The following TMTC2 variants were observed in gnomAD, a reference collection of about 807,000 sequenced individuals.
TMTC2 encodes transmembrane O-mannosyltransferase targeting cadherins 2.
TMTC2 carries 43 observed loss-of-function variants against 82.4 expected under a neutral mutation model. That is an observed-to-expected ratio of 0.52 (90% CI 0.41 to 0.67). The LOEUF (loss-of-function observed/expected upper bound fraction) is 0.67, where lower values mean the gene tolerates loss of function less well. Among genes scored for constraint, TMTC2 ranks in the 30% least tolerant of loss-of-function variants. The probability of loss-of-function intolerance (pLI) is 0.00; values close to 1 mark genes in which losing one functional copy is unlikely to be tolerated. For missense variants in TMTC2, 919 were observed against 1,012.4 expected (o/e 0.91, Z 1.25); for synonymous variants, 408 against 381.9 (o/e 1.07, Z -0.80).
chr12:82,938,730 A>G (rs545940144), intron 4 of TMTC2, among the ~76,000 whole-genome samples: 160 of 152,286 alleles, frequency 1.1e-3, no homozygotes, highest in Middle Eastern at 3.4e-3. Context: ...AATGCCTAGT[A>G]TATAACGTTC....
At chr12:82,916,990 G>A (rs902652630) in intron 3 of TMTC2, among the ~76,000 whole-genome samples, 2 of 151,936 alleles carry the variant, frequency 1.3e-5, no homozygotes, top group African/African-American at 4.8e-5. Flanking sequence ...TTACTATTAT[G>A]TTCTTTTCTG....
chr12:82,963,849 A>ATATATATATG (rs1565830379), intron 4 of TMTC2, among the ~76,000 whole-genome samples: 1 of 105,172 alleles, frequency 9.5e-6, no homozygotes, highest in Non-Finnish European at 2.0e-5. Flanking sequence ...ATATATATAT[A>ATATATATATG]TGTGAAAGTG....
intron 1 of TMTC2, among the ~76,000 whole-genome samples, chr12:82,774,306 G>T (rs1303190449): frequency 6.6e-6 from 1 of 152,062 alleles, no homozygotes; most frequent in African/African-American, 2.4e-5. Context: ...TGTGATAGAA[G>T]TTTATTTCTT....
intron 3 of TMTC2, among the ~76,000 whole-genome samples, chr12:82,923,745 A>G (rs1299203783): frequency 6.6e-6 from 1 of 152,210 alleles, no homozygotes; most frequent in Non-Finnish European, 1.5e-5. Flanking sequence ...ATGCTAAAAT[A>G]TTGATTGTAT....
At chr12:82,804,995 G>T (rs898247041) in intron 1 of TMTC2, among the ~76,000 whole-genome samples, 1 of 152,106 alleles carries the variant, frequency 6.6e-6, no homozygotes, top group Admixed American at 6.5e-5. Context: ...TAGCAGTTTT[G>T]CCATGAGAGT....
At chr12:83,096,839 A>G (rs1275300578) in intron 11 of TMTC2, among the ~76,000 whole-genome samples, 1 of 152,120 alleles carries the variant, frequency 6.6e-6, no homozygotes, top group Admixed American at 6.5e-5. Flanking sequence ...CTCACCTATT[A>G]GTTTCTACTC....
At chr12:83,110,774 G>T (rs1327011088) in intron 11 of TMTC2, among the ~76,000 whole-genome samples, 1 of 152,104 alleles carries the variant, frequency 6.6e-6, no homozygotes, top group Non-Finnish European at 1.5e-5. Flanking sequence ...TTTAACCTGG[G>T]AATCCTCTTT....
chr12:82,988,407 T>C (rs1879259143), intron 8 of TMTC2, among the ~76,000 whole-genome samples: 1 of 151,884 alleles, frequency 6.6e-6, no homozygotes, highest in South Asian at 2.1e-4. Flanking sequence ...TAAAATGGGG[T>C]AGTAAATTGC....
At chr12:83,109,738 C>A (rs570374945) in intron 11 of TMTC2, among the ~76,000 whole-genome samples, 20 of 152,304 alleles carry the variant, frequency 1.3e-4, no homozygotes, top group African/African-American at 4.8e-4. Flanking sequence ...ACCTATATAA[C>A]CTCTACTCCT....
chr12:83,040,122 C>T (rs770982486), intron 9 of TMTC2, among the ~76,000 whole-genome samples: 11 of 152,212 alleles, frequency 7.2e-5, no homozygotes, highest in Non-Finnish European at 1.3e-4. Flanking sequence ...AACATTACCC[C>T]TATTTTACGG....
At chr12:83,095,262 A>T (rs1883987235) in intron 11 of TMTC2, among the ~76,000 whole-genome samples, 1 of 144,038 alleles carries the variant, frequency 6.9e-6, no homozygotes. Flanking sequence ...TTTTTTTGAG[A>T]TGGAGTCTCG....
chr12:82,978,880 A>G lies in TMTC2; in HGVS notation c.1949-7045A>G, dbSNP rs535990416. ...GGGTTCTCCAGAGTTGGGTGCGTAT[A>G]TATTTACAATTGTTATATCCTCTTG... On this transcript the variant is annotated intron_variant, in intron 7 of 11. Coordinates refer to ENST00000321196, the MANE Select transcript of TMTC2 (RefSeq NM_152588.3). Among the ~76,000 whole-genome samples, 29 of 151,884 alleles carry G rather than the reference A, an allele frequency of 1.9e-4. No individual in the cohort carries two copies. The East Asian group carries it at 5.4e-3, about 28-fold the overall frequency.
chr12:82,731,064 C>G (rs1227512542), intron 1 of TMTC2, among the ~76,000 whole-genome samples: 3 of 152,116 alleles, frequency 2.0e-5, no homozygotes, highest in Admixed American at 2.0e-4. Flanking sequence ...TTTGTAATTA[C>G]AGTTGGAGAA....
In TMTC2 at chr12:83,103,619, C is replaced by A. The variant is rs75942381; in HGVS notation, c.2332-28591C>A. On this transcript the variant is annotated intron_variant, in intron 11 of 11. Transcript: ENST00000321196. ...CCCAAACACCTCGCAACAAGCCCCA[C>A]TTCCAACATTGGGGATTACATTTCA... Among the ~76,000 whole-genome samples, 287 of 152,298 alleles carry A rather than the reference C, an allele frequency of 1.9e-3. 1 individual carries two copies. The highest frequency in any genetic ancestry group is 6.7e-3 in the African/African-American group (277 of 41,572).
chr12:83,028,188 A>G (rs1224286180), intron 8 of TMTC2, among the ~76,000 whole-genome samples: 1 of 152,136 alleles, frequency 6.6e-6, no homozygotes, highest in African/African-American at 2.4e-5. Flanking sequence ...GAATATATAT[A>G]TGTGTGTGTG....
chr12:83,129,870 C>A (rs1255989217), intron 11 of TMTC2, among the ~76,000 whole-genome samples: 1 of 152,214 alleles, frequency 6.6e-6, no homozygotes, highest in Admixed American at 6.5e-5. Flanking sequence ...CAAGTGCCCA[C>A]ATCTCTGTGG....
intron 1 of TMTC2, among the ~76,000 whole-genome samples, chr12:82,765,697 CAA>C (rs1448975895): frequency 1.4e-5 from 2 of 142,918 alleles, no homozygotes; most frequent in South Asian, 4.4e-4. Flanking sequence ...CAAAACAAAA[CAA>C]AACAAACAAA....
chr12:82,773,255 A>G (rs1338139151), intron 1 of TMTC2, among the ~76,000 whole-genome samples: 2 of 152,194 alleles, frequency 1.3e-5, no homozygotes, highest in Admixed American at 1.3e-4. Flanking sequence ...TTCAAATTGT[A>G]TATAGTCAAA....
At chr12:82,959,459 C>CTGA (rs559587152) in intron 4 of TMTC2, among the ~76,000 whole-genome samples, 164 of 152,210 alleles carry the variant, frequency 1.1e-3, no homozygotes, top group African/African-American at 3.6e-3. Context: ...CAGCATGGTA[C>CTGA]TGATACAAAA....
Sources: allele counts gnomAD v4.1 joint callset (sites outside exome capture counted in the v4.1 genomes callset), GRCh38; gene constraint gnomAD v4.1.1; transcripts MANE v1.5; gene names NCBI Gene and HGNC (gene_info 2026-07-23, HGNC 2026-07-21).